Variants in KIF26B observed in about 807,000 individuals in gnomAD.
KIF26B encodes the protein kinesin-like protein KIF26B.
Under a neutral mutation model 151.2 loss-of-function variants are expected in KIF26B, and 63 were observed. The observed-to-expected ratio is 0.42, with a 90% CI of 0.34 to 0.51. The LOEUF is 0.51. KIF26B is among the 20% of genes least tolerant of loss of function. The pLI is 0.07. For missense variants in KIF26B, 2,813 were observed against 2,913.6 expected (o/e 0.97, Z 0.79); for synonymous variants, 1,357 against 1,262.1 (o/e 1.08, Z -1.59).
At chr1:245,431,445 G>A (rs1424558610) in intron 4 of KIF26B, among the ~76,000 whole-genome samples, 1 of 150,366 alleles carries the variant, frequency 6.7e-6, no homozygotes, top group Non-Finnish European at 1.5e-5. Context: ...CCCGGCTTCA[G>A]GCGATTCTCC....
chr1:245,581,243 C>T (rs181056700), intron 5 of KIF26B, among the ~76,000 whole-genome samples: 1 of 152,364 alleles, frequency 6.6e-6, no homozygotes, highest in Admixed American at 6.5e-5. Flanking sequence ...AAGAGACCTA[C>T]AACAGTTGGT....
chr1:245,620,127 G>A (rs1485767242), intron 9 of KIF26B, among the ~76,000 whole-genome samples: 1 of 151,908 alleles, frequency 6.6e-6, no homozygotes, highest in Non-Finnish European at 1.5e-5. Flanking sequence ...TCATAAAGGT[G>A]TTATCTGAAA....
chr1:245,157,006 G>A, intron 2 of KIF26B, among the ~76,000 whole-genome samples: 1 of 152,228 alleles, frequency 6.6e-6, no homozygotes, highest in African/African-American at 2.4e-5. Context: ...GCGGCTGCAG[G>A]CTGCGCTTTC....
chr1:245,252,006 C>T (rs777007126), intron 2 of KIF26B, among the ~76,000 whole-genome samples: 41 of 152,104 alleles, frequency 2.7e-4, no homozygotes, highest in Non-Finnish European at 4.9e-4. Context: ...GGCCTGGTGG[C>T]TCATGCCTAT....
At chr1:245,440,822 G>T (rs1446010786) in intron 4 of KIF26B, among the ~76,000 whole-genome samples, 2 of 152,178 alleles carry the variant, frequency 1.3e-5, no homozygotes, top group African/African-American at 2.4e-5. Flanking sequence ...GGATCTAGAA[G>T]CCCCTTGGGC....
At chr1:245,586,718 C>A (rs1284656402) in intron 5 of KIF26B, among the ~76,000 whole-genome samples, 1 of 150,740 alleles carries the variant, frequency 6.6e-6, no homozygotes, top group Non-Finnish European at 1.5e-5. Flanking sequence ...CCCGTCTCTA[C>A]TAAAAAAAAT....
chr1:245,433,597 A>G (rs1470032846), intron 4 of KIF26B, among the ~76,000 whole-genome samples: 1 of 152,208 alleles, frequency 6.6e-6, no homozygotes, highest in African/African-American at 2.4e-5. Context: ...AATAATTCTG[A>G]AGGATAAATG....
intron 6 of KIF26B, among the ~76,000 whole-genome samples, chr1:245,604,446 C>T (rs12406586): frequency 0.17 from 26,559 of 152,158 alleles, 3,085 homozygotes; most frequent in Admixed American, 0.3. Flanking sequence ...AGACAAAGTA[C>T]TTTATGAATA....
chr1:245,450,582 G>A (rs1328745489), intron 4 of KIF26B, among the ~76,000 whole-genome samples: 1 of 152,206 alleles, frequency 6.6e-6, no homozygotes, highest in Non-Finnish European at 1.5e-5. Flanking sequence ...TTCATTGTTG[G>A]TGCCTTTGGT....
At chr1:245,503,028 T>C (rs1217878092) in intron 4 of KIF26B, among the ~76,000 whole-genome samples, 1 of 151,926 alleles carries the variant, frequency 6.6e-6, no homozygotes, top group East Asian at 1.9e-4. Flanking sequence ...CCCCGGCTAA[T>C]TTTGTATTTT....
chr1:245,623,222 C>T (rs555681227), intron 9 of KIF26B, among the ~76,000 whole-genome samples: 3 of 152,114 alleles, frequency 2.0e-5, no homozygotes, highest in South Asian at 4.2e-4. Flanking sequence ...CTTGCAATCC[C>T]TGCCTCCAGC....
At chr1:245,579,600 G>A (rs1444485713) in intron 5 of KIF26B, among the ~76,000 whole-genome samples, 3 of 152,030 alleles carry the variant, frequency 2.0e-5, no homozygotes, top group Non-Finnish European at 2.9e-5. Flanking sequence ...ACCTGAGGTC[G>A]GGAGTTCCAG....
At chr1:245,652,991 T>C (rs2044036579) in intron 10 of KIF26B, among the ~76,000 whole-genome samples, 1 of 152,240 alleles carries the variant, frequency 6.6e-6, no homozygotes, top group Non-Finnish European at 1.5e-5. Context: ...CTGGGGTTAC[T>C]ATTAAAGTCT....
At position 245,294,946 on chromosome 1, in the gene KIF26B, A is replaced by G. The variant is rs533146937; in HGVS notation, c.466-71888A>G. Among the ~76,000 whole-genome samples, 5 of 152,302 alleles carry G rather than the reference A, an allele frequency of 3.3e-5. No individual in the cohort carries two copies. In the South Asian group the frequency reaches 1.0e-3, roughly 32 times the overall value. On this transcript the variant is annotated intron_variant, in intron 2 of 14. Transcript: ENST00000407071. ...CCAAAGTGCTGGGATTACAGGCGTG[A>G]GCCACTGTGCCCGGCTGGGTTCTTG...
chr1:245,239,029 AC>A lies in KIF26B; in HGVS notation c.465+82347del, dbSNP rs962757745. On this transcript the variant is annotated intron_variant, in intron 2 of 14. Transcript: ENST00000407071. The surrounding 1 kb of genome is among the most constrained non-coding windows in gnomAD (Gnocchi z 4.3). ...TCTTGATATGGAGACGTGGTTTCTT[AC>A]GTCTAATTTCGTTTTCCACCATCTA... 9.9e-5 allele frequency among the ~76,000 whole-genome samples: 15 copies of A among 152,134 alleles called. No individual in the cohort carries two copies. Among genetic ancestry groups the A allele is most frequent in the Non-Finnish European group, 2.2e-4 (15 of 68,022 alleles).
intron 2 of KIF26B, among the ~76,000 whole-genome samples, chr1:245,315,579 G>A (rs995734072): frequency 2.6e-5 from 4 of 151,934 alleles, no homozygotes; most frequent in Admixed American, 2.6e-4. Flanking sequence ...CAAATTAGCT[G>A]GACATGGTGG....
At chr1:245,263,368 G>A (rs150314318) in intron 2 of KIF26B, among the ~76,000 whole-genome samples, 3 of 152,280 alleles carry the variant, frequency 2.0e-5, no homozygotes, top group Non-Finnish European at 4.4e-5. Flanking sequence ...GTGCTGTATC[G>A]AGCTCTAGGT....
chr1:245,440,009 G>C (rs549074980), intron 4 of KIF26B, among the ~76,000 whole-genome samples: 25 of 152,254 alleles, frequency 1.6e-4, no homozygotes, highest in South Asian at 6.2e-4. Flanking sequence ...ATCACGAGGT[G>C]AGGAGATCGA....
At chr1:245,461,835 C>T (rs959072252) in intron 4 of KIF26B, among the ~76,000 whole-genome samples, 3 of 152,154 alleles carry the variant, frequency 2.0e-5, no homozygotes, top group South Asian at 2.1e-4. Context: ...AATTTTAGGC[C>T]GGGCATGGTG....
Sources: allele counts gnomAD v4.1 joint callset (sites outside exome capture counted in the v4.1 genomes callset), GRCh38; gene constraint gnomAD v4.1.1; non-coding constraint Gnocchi (gnomAD v3.1); transcripts MANE v1.5; gene names NCBI Gene and HGNC (gene_info 2026-07-23, HGNC 2026-07-21).